Variants in DOC2B observed in about 807,000 individuals in gnomAD.
DOC2B encodes the protein double C2 domain beta, also known as double C2-like domain-containing protein beta.
A neutral mutation model predicts 28.9 loss-of-function variants in DOC2B; 21 were observed. The observed-to-expected ratio is 0.73, with a 90% CI of 0.52 to 1.05. DOC2B has a LOEUF of 1.05. DOC2B is among the 50% of genes least tolerant of loss of function. The probability of loss-of-function intolerance (pLI) is 0.00; values close to 1 mark genes in which losing one functional copy is unlikely to be tolerated. For synonymous variants in DOC2B, 194 were observed against 178.1 expected (o/e 1.09, Z -0.71); for missense variants, 384 against 421.1 (o/e 0.91, Z 0.77).
At chr17:172,206 C>A (rs1022905298) in intron 2 of DOC2B, among the ~76,000 whole-genome samples, 1 of 152,024 alleles carries the variant, frequency 6.6e-6, no homozygotes, top group Non-Finnish European at 1.5e-5. Context: ...ACCCGCCCTC[C>A]CTTGGCCTGC....
At chr17:174,297 C>T (rs992056376) in intron 1 of DOC2B, among the ~76,000 whole-genome samples, 1 of 152,230 alleles carries the variant, frequency 6.6e-6, no homozygotes, top group African/African-American at 2.4e-5. Context: ...TATCTAACGT[C>T]TTTATGCCTC....
At position 169,099 on chromosome 17, in the gene DOC2B, G is replaced by T. The variant is rs573540860; in HGVS notation, c.453+3438C>A. On this transcript the variant is annotated intron_variant, in intron 2 of 8. Coordinates refer to ENST00000613549, the MANE Select transcript of DOC2B (RefSeq NM_003585.5). The stretch of plus-strand genomic sequence containing the variant: ...CTGGGCCTCTCAGAGGCTGTTGCTG[G>T]TGAAGTGTTCGGAAGAGGAGCTTTC... Among the ~76,000 whole-genome samples the T allele has an allele frequency of 2.0e-5, 3 of 152,222 alleles. No individual in the cohort carries two copies. The East Asian group carries it at 5.8e-4, about 30-fold the overall frequency.
rs2040005288 is a variant in DOC2B at position 144,323 on chromosome 17, A to G, written c.*3118T>C. 1 of 151,906 alleles carries G rather than the reference A, an allele frequency of 6.6e-6. No individual in the cohort carries two copies. The highest frequency in any genetic ancestry group is 1.5e-5 in the Non-Finnish European group (1 of 68,014). The allele number at this position is 151,906 out of a possible 1,614,324, so 9.4% of individuals were successfully genotyped here. A position where few individuals can be genotyped will look rare whatever the true frequency, so the allele number is the denominator to read the frequency against. The stretch of plus-strand genomic sequence containing the variant: ...GCCCAGGCTGGAGTGCAGTGCCGCG[A>G]TCTTGGCTCACTGCAGCCTTCACCT... On this transcript the variant is annotated 3_prime_UTR_variant, in exon 9 of 9. Transcript: ENST00000613549.
chr17:181,577 G>T lies in DOC2B; in HGVS notation c.-98C>A. 1.8e-6 allele frequency: 1 copy of T among 557,212 alleles called. No homozygotes were observed. The highest frequency in any genetic ancestry group is 7.7e-5 in the South Asian group (1 of 13,014). The allele number at this position is 557,212 out of a possible 1,614,324, so 34.5% of individuals were successfully genotyped here. On this transcript the variant is annotated 5_prime_UTR_variant, in exon 1 of 9. Transcript: ENST00000613549. This position sits in a 1 kb window ranked among gnomAD's most constrained non-coding sequence, Gnocchi z 7.0. ...CCGGCGGGGCGCGGCGGGGGCTGCG[G>T]GCATCGCCGGCCGCGCCCCCGGACG... is the stretch of plus-strand genomic sequence containing the variant.
chr17:149,504 C>T (rs2151457899), intron 6 of DOC2B, among the ~76,000 whole-genome samples: 1 of 152,240 alleles, frequency 6.6e-6, no homozygotes, highest in African/African-American at 2.4e-5. Context: ...TCATAAAGCT[C>T]ACATTTCCCA....
At chr17:157,008 C>G (rs2040143409) in intron 5 of DOC2B, among the ~76,000 whole-genome samples, 1 of 152,256 alleles carries the variant, frequency 6.6e-6, no homozygotes, top group African/African-American at 2.4e-5. Context: ...CTTGCCAGCT[C>G]CGTGATGCTT....
In DOC2B at chr17:164,273, C is replaced by T. The variant is rs77977653; in HGVS notation, c.454-69G>A. ...ATGGAACTGACAGGGCCTGCAGATG[C>T]CCTTGTCCCCTGGGTCTCCTGGCTG... is the stretch of plus-strand genomic sequence containing the variant. On this transcript the variant is annotated intron_variant, in intron 2 of 8. Transcript: ENST00000613549. 24 of 1,241,192 alleles carry T rather than the reference C, an allele frequency of 1.9e-5. No homozygotes were observed. The East Asian group carries it at 6.2e-4, about 32-fold the overall frequency. 76.9% of individuals were successfully genotyped at this position (1,241,192 alleles called of 1,614,324 possible).
chr17:153,545 A>G (rs1455126162), intron 6 of DOC2B, among the ~76,000 whole-genome samples: 1 of 152,148 alleles, frequency 6.6e-6, no homozygotes, highest in East Asian at 1.9e-4. Context: ...TACTAAAAAT[A>G]CAAAAATTAG....
At chr17:169,399 CA>C (rs1281803012) in intron 2 of DOC2B, among the ~76,000 whole-genome samples, 1 of 151,450 alleles carries the variant, frequency 6.6e-6, no homozygotes, top group Non-Finnish European at 1.5e-5. Context: ...TTTAGTTTTG[CA>C]AGCTGAAGAG....
chr17:181,450 C>T lies in DOC2B; in HGVS notation c.30G>A (p.Ala10=). MTLRRRGEK[A]TISIQEHMAI... is the part of the protein sequence containing the mutation. ...CCATATGCTCCTGGATGCTGATGGT[C>T]GCCTTCTCCCCGCGCCGCCGGAGGG... The change falls in exon 1 of 9, where the codon GCG becomes GCA. Residue 10 remains alanine, a synonymous_variant. Coordinates refer to ENST00000613549, the MANE Select transcript of DOC2B (RefSeq NM_003585.5). The surrounding 1 kb of genome is among the most constrained non-coding windows in gnomAD (Gnocchi z 7.0). 2 of 1,147,582 alleles carry T rather than the reference C, an allele frequency of 1.7e-6. No individual in the cohort carries two copies. The highest frequency in any genetic ancestry group is 2.2e-6 in the Non-Finnish European group (2 of 921,854). The allele number at this position is 1,147,582 out of a possible 1,614,324, so 71.1% of individuals were successfully genotyped here.
At position 159,484 on chromosome 17, in the gene DOC2B, C is replaced by T. The variant is rs138061305; in HGVS notation, c.765+1931G>A. 2.4e-4 allele frequency among the ~76,000 whole-genome samples: 37 copies of T among 152,238 alleles called. No homozygotes were observed. In the East Asian group the frequency reaches 3.7e-3, roughly 15 times the overall value. Reference sequence around the variant, plus strand: ...ACCAAATATACAAAAATTAACCAGGCGTGGCGGCACACGCCTGTAGTCCCA... The same window carrying T: ...ACCAAATATACAAAAATTAACCAGGTGTGGCGGCACACGCCTGTAGTCCCA... On this transcript the variant is annotated intron_variant, in intron 5 of 8. Coordinates refer to ENST00000613549, the MANE Select transcript of DOC2B (RefSeq NM_003585.5).
At position 146,399 on chromosome 17, in the gene DOC2B, T is replaced by TC. The variant is rs2040019397; in HGVS notation, c.*1041dup. The TC allele has an allele frequency of 6.6e-6, 1 of 152,166 alleles. No individual in the cohort carries two copies. Among genetic ancestry groups the TC allele is most frequent in the Admixed American group, 6.5e-5 (1 of 15,276 alleles). The allele number at this position is 152,166 out of a possible 1,614,324, so 9.4% of individuals were successfully genotyped here. ...ATGCCAGGAAGGAGGAGGGGCGGGC[T>TC]CCGTCCTTGAGGTCCCTCAGGAGTA... is the stretch of plus-strand genomic sequence containing the variant. On this transcript the variant is annotated 3_prime_UTR_variant, in exon 9 of 9. Coordinates refer to ENST00000613549, the MANE Select transcript of DOC2B (RefSeq NM_003585.5).
intron 5 of DOC2B, among the ~76,000 whole-genome samples, chr17:159,770 C>T (rs773129860): frequency 8.5e-5 from 13 of 152,160 alleles, no homozygotes; most frequent in Non-Finnish European, 1.6e-4. Flanking sequence ...CATGGCCACG[C>T]ACAGGGACGC....
Position 149,212 on chromosome 17 carries a change from A to G in DOC2B, c.924-20T>C. ...AGGTATCTGGAATTACATCCAACGGACAGGCAGAGGATGGGGACATGCTAT... is the reference window on the plus strand; with the variant it reads ...AGGTATCTGGAATTACATCCAACGGGCAGGCAGAGGATGGGGACATGCTAT... On this transcript the variant is annotated intron_variant, in intron 6 of 8. Coordinates refer to ENST00000613549, the MANE Select transcript of DOC2B (RefSeq NM_003585.5). The G allele has an allele frequency of 2.5e-6, 1 of 399,682 alleles. No individual in the cohort carries two copies. The highest frequency in any genetic ancestry group is 4.4e-6 in the Non-Finnish European group (1 of 226,226). 24.8% of individuals were successfully genotyped at this position (399,682 alleles called of 1,614,324 possible).
intron 6 of DOC2B, among the ~76,000 whole-genome samples, chr17:151,841 C>T (rs947874946): frequency 6.6e-5 from 10 of 152,348 alleles, no homozygotes; most frequent in South Asian, 6.2e-4. Flanking sequence ...CAGACTTCCA[C>T]GACAGGCTCC....
At chr17:158,455 G>A (rs2040161396) in intron 5 of DOC2B, among the ~76,000 whole-genome samples, 1 of 152,186 alleles carries the variant, frequency 6.6e-6, no homozygotes, top group African/African-American at 2.4e-5. Flanking sequence ...TTCTGGAGAT[G>A]AGACTCCTGT....
At chr17:157,664 G>A (rs956782063) in intron 5 of DOC2B, among the ~76,000 whole-genome samples, 1 of 152,076 alleles carries the variant, frequency 6.6e-6, no homozygotes, top group Admixed American at 6.5e-5. Context: ...GGCTGGTCTC[G>A]AATTCCTGAC....
At position 181,200 on chromosome 17, in the gene DOC2B, G is replaced by A; in HGVS notation, c.280C>T (p.Pro94Ser). ...GGGCTGGGACCCGGGCTGGGGCCCG[G>A]GCTGGAGCCGTAGGCTCCGAAGAGC... ...DQLFGAYGSS[P>S]GPSPGPSPAR... The change falls in exon 1 of 9, where the codon CCG becomes TCG. Residue 94 changes from proline to serine, a missense_variant. By Grantham distance (74) the Pro-to-Ser change is moderately conservative. Transcript: ENST00000613549. This position sits in a 1 kb window ranked among gnomAD's most constrained non-coding sequence, Gnocchi z 7.0. 2 of 1,232,538 alleles carry A rather than the reference G, an allele frequency of 1.6e-6. No individual in the cohort carries two copies. Among genetic ancestry groups the A allele is most frequent in the Non-Finnish European group, 2.0e-6 (2 of 987,758 alleles). The allele number at this position is 1,232,538 out of a possible 1,614,324, so 76.4% of individuals were successfully genotyped here. A position where few individuals can be genotyped will look rare whatever the true frequency, so the allele number is the denominator to read the frequency against.
intron 2 of DOC2B, among the ~76,000 whole-genome samples, chr17:169,268 C>T (rs529637190): frequency 1.8e-4 from 28 of 151,986 alleles, no homozygotes; most frequent in African/African-American, 6.0e-4. Flanking sequence ...GGACAGATAC[C>T]GGGAGACTGC....
Sources: gnomAD v4.1 joint callset for allele counts (sites outside exome capture counted in the v4.1 genomes callset) on GRCh38, gnomAD v4.1.1 for gene constraint, Gnocchi (gnomAD v3.1) non-coding constraint, MANE v1.5 for transcripts, NCBI Gene and HGNC (gene_info 2026-07-23, HGNC 2026-07-21) for gene names.